Variants in LINGO1 observed in about 807,000 individuals in gnomAD.
LINGO1 encodes the protein leucine-rich repeat and immunoglobulin-like domain-containing nogo receptor-interacting protein 1.
In LINGO1, 11 loss-of-function variants were observed where a neutral mutation model predicts 37.3. The observed-to-expected ratio is 0.29, with a 90% CI of 0.19 to 0.49. The LOEUF is 0.49. LINGO1 is among the 20% of genes least tolerant of loss of function. LINGO1 has a pLI of 0.99. For missense variants in LINGO1, 585 were observed against 878.2 expected (o/e 0.67, Z 4.22); for synonymous variants, 387 against 403.0 (o/e 0.96, Z 0.48).
At chr15:77,635,411 A>G (rs1426236267), upstream of LINGO1, among the ~76,000 whole-genome samples, 1 of 152,068 alleles carries the variant, frequency 6.6e-6, no homozygotes, top group African/African-American at 2.4e-5. Context: ...GGGGTCTGTC[A>G]CTGGGTCCCC....
At chr15:77,719,513 G>A (rs1426760753) in intron 2 of LINGO1, among the ~76,000 whole-genome samples, 19 of 149,630 alleles carry the variant, frequency 1.3e-4, no homozygotes, top group South Asian at 4.3e-4. Flanking sequence ...GGGAGGTCAC[G>A]GGAGACACAC....
intron 2 of LINGO1, among the ~76,000 whole-genome samples, chr15:77,702,580 T>C (rs2075798550): frequency 6.6e-6 from 1 of 152,156 alleles, no homozygotes; most frequent in African/African-American, 2.4e-5. Flanking sequence ...GTGATGCAGG[T>C]ATCAGTATTC....
chr15:77,740,476 C>G (rs373951416), intron 1 of LINGO1, among the ~76,000 whole-genome samples: 8 of 152,208 alleles, frequency 5.3e-5, no homozygotes, highest in African/African-American at 1.9e-4. Flanking sequence ...GCCTGTGCTC[C>G]TCCCCACCCA....
intron 1 of LINGO1, among the ~76,000 whole-genome samples, chr15:77,759,864 TG>T (rs2076457036): frequency 6.6e-6 from 1 of 152,242 alleles, no homozygotes; most frequent in African/African-American, 2.4e-5. Context: ...TGAACAAACA[TG>T]CTGAGCGCTC....
rs370164787 is a variant in LINGO1 at position 77,615,633 on chromosome 15, C to T, written c.274G>A (p.Ala92Thr). The change falls in exon 2 of 2, where the codon GCC becomes ACC. Residue 92 changes from alanine to threonine, a missense_variant. Physicochemically the swap from Ala to Thr is moderately conservative, Grantham distance 58 (BLOSUM62 0). Coordinates refer to ENST00000355300, the MANE Select transcript of LINGO1 (RefSeq NM_032808.7). ...AGCTCCTCCAGGTGCGGGAAGCTGG[C>T]GAACTCGTCCTGGTTGAGCGTTTTG... is the stretch of plus-strand genomic sequence containing the variant. ...RIKTLNQDEF[A>T]SFPHLEELEL... is the part of the protein sequence containing the mutation. The T allele has an allele frequency of 8.5e-5, 137 of 1,611,942 alleles. 1 individual carries two copies. The Admixed American group carries it at 2.1e-3, about 25-fold the overall frequency.
At chr15:77,723,984 C>T (rs1349664732) in intron 2 of LINGO1, among the ~76,000 whole-genome samples, 3 of 152,292 alleles carry the variant, frequency 2.0e-5, no homozygotes, top group South Asian at 2.1e-4. Context: ...ACTTTCTCTC[C>T]CCTCCCCCTG....
At chr15:77,703,525 C>T (rs1304983721) in intron 2 of LINGO1, among the ~76,000 whole-genome samples, 1 of 152,126 alleles carries the variant, frequency 6.6e-6, no homozygotes, top group Non-Finnish European at 1.5e-5. Flanking sequence ...CATAAGGTGT[C>T]CAGGCCTACA....
chr15:77,738,272 T>A (rs906415249), intron 1 of LINGO1, among the ~76,000 whole-genome samples: 2 of 152,118 alleles, frequency 1.3e-5, no homozygotes, highest in African/African-American at 4.8e-5. Flanking sequence ...AGCAGCACGA[T>A]GACGGAGAGA....
At chr15:77,783,189 C>A (rs930067019) in intron 1 of LINGO1, among the ~76,000 whole-genome samples, 1 of 152,206 alleles carries the variant, frequency 6.6e-6, no homozygotes, top group Non-Finnish European at 1.5e-5. Context: ...CCCTCCCGAG[C>A]TCAGCACAGT....
intron 3 of LINGO1, among the ~76,000 whole-genome samples, chr15:77,664,415 G>A (rs2075083549): frequency 6.6e-6 from 1 of 152,086 alleles, no homozygotes; most frequent in Admixed American, 6.5e-5. Flanking sequence ...CTTGTGGATG[G>A]TTGGGGGGTC....
chr15:77,789,916 T>C (rs2076805206), upstream of LINGO1, among the ~76,000 whole-genome samples: 1 of 152,076 alleles, frequency 6.6e-6, no homozygotes, highest in Non-Finnish European at 1.5e-5. Flanking sequence ...GGACCACAGG[T>C]GTGTGCCACC....
chr15:77,769,284 G>C (rs1451615981), intron 1 of LINGO1, among the ~76,000 whole-genome samples: 3 of 152,226 alleles, frequency 2.0e-5, no homozygotes, highest in Non-Finnish European at 1.5e-5. Context: ...GGAGCTCAAA[G>C]AGAGGAGGAA....
chr15:77,811,203 C>T (rs1376855267), intron 1 of LINGO1, among the ~76,000 whole-genome samples: 1 of 152,222 alleles, frequency 6.6e-6, no homozygotes, highest in Non-Finnish European at 1.5e-5. Flanking sequence ...CCAACAGAGG[C>T]TCCCCTGGCC....
At chr15:77,802,875 T>C (rs2076930852) in intron 1 of LINGO1, among the ~76,000 whole-genome samples, 1 of 152,146 alleles carries the variant, frequency 6.6e-6, no homozygotes, top group African/African-American at 2.4e-5. Context: ...GGCTCCCTAT[T>C]GCTCCCTGCC....
upstream of LINGO1, among the ~76,000 whole-genome samples, chr15:77,633,099 C>G (rs1485756226): frequency 1.3e-5 from 2 of 151,820 alleles, no homozygotes; most frequent in African/African-American, 4.8e-5. Context: ...GCCCTGCACG[C>G]TTAGGGCAGC....
chr15:77,795,847 A>T (rs2076868393), intron 2 of LINGO1: 1 of 152,178 alleles, frequency 6.6e-6, no homozygotes, highest in Admixed American at 6.5e-5. Flanking sequence ...GGGGAGGGAG[A>T]GATGAGGAAA....
chr15:77,723,644 T>C (rs118058516), intron 2 of LINGO1, among the ~76,000 whole-genome samples: 3,144 of 152,240 alleles, frequency 0.021, 47 homozygotes, highest in South Asian at 0.053. Context: ...GGCCCCACCC[T>C]AGTCCAGGCT....
At chr15:77,799,894 G>T (rs1006788437) in intron 1 of LINGO1, among the ~76,000 whole-genome samples, 2 of 152,200 alleles carry the variant, frequency 1.3e-5, no homozygotes, top group Non-Finnish European at 2.9e-5. Context: ...CTGTGTGTGT[G>T]CCATGCCTCC....
At chr15:77,811,959 AT>A (rs59450504) in intron 1 of LINGO1, among the ~76,000 whole-genome samples, 12,274 of 150,060 alleles carry the variant, frequency 0.082, 526 homozygotes, top group Non-Finnish European at 0.097. Context: ...AAAAAAAAAA[AT>A]AGCACAGTCA....
Sources: allele counts gnomAD v4.1 joint callset (sites outside exome capture counted in the v4.1 genomes callset), GRCh38; gene constraint gnomAD v4.1.1; transcripts MANE v1.5; gene names NCBI Gene and HGNC (gene_info 2026-07-23, HGNC 2026-07-21).